Variants in R3HDML observed in about 807,000 individuals in gnomAD.
R3HDML encodes the protein R3H domain containing like.
R3HDML carries 21 observed loss-of-function variants against 24.2 expected under a neutral mutation model. The observed-to-expected ratio is 0.87, with a 90% CI of 0.62 to 1.25. R3HDML has a LOEUF of 1.25. R3HDML is among the 50% of genes most tolerant of loss of function. The pLI is 0.00. For synonymous variants in R3HDML, 133 were observed against 131.5 expected (o/e 1.01, Z -0.08); for missense variants, 301 against 340.3 (o/e 0.88, Z 0.91).
rs1188126782 is a variant in R3HDML at position 44,337,259 on chromosome 20, C to G, written c.102C>G (p.Ala34=). ...TGCCTAATGCTACCCCAGCCCCGGC[C>G]CAGCCCGAGAGCACGGCTATGCGGC... ...LIMPNATPAP[A]QPESTAMRLL... Residue 34 remains alanine, a synonymous_variant, in exon 1 of 5, where the codon GCC becomes GCG. Transcript: ENST00000217043. This position sits in a 1 kb window ranked among gnomAD's most constrained non-coding sequence, Gnocchi z 4.7. The G allele has an allele frequency of 6.2e-7, 1 of 1,614,152 alleles. No homozygotes were observed. The highest frequency in any genetic ancestry group is 8.5e-7 in the Non-Finnish European group (1 of 1,180,044).
chr20:44,348,485 CTTT>C (rs1473423465), intron 4 of R3HDML, among the ~76,000 whole-genome samples: 22 of 34,244 alleles, frequency 6.4e-4, no homozygotes, highest in African/African-American at 2.8e-3. Context: ...TCCCTTTCTC[CTTT>C]CCTTTCCTTT....
At chr20:44,346,912 C>T (rs1008473395) in intron 4 of R3HDML, among the ~76,000 whole-genome samples, 1 of 152,202 alleles carries the variant, frequency 6.6e-6, no homozygotes, top group African/African-American at 2.4e-5. Flanking sequence ...GGGGCTGAGG[C>T]GAGTGAATCA....
intron 1 of R3HDML, 124 bp from the exon 2 acceptor site, chr20:44,341,072 G>A: frequency 1.4e-6 from 1 of 735,038 alleles, no homozygotes; most frequent in Non-Finnish European, 2.3e-6. Flanking sequence ...TTTGTCACGT[G>A]GGTTTGTTGC....
intron 1 of R3HDML, among the ~76,000 whole-genome samples, chr20:44,340,103 C>T (rs1185654138): frequency 6.6e-6 from 1 of 151,824 alleles, no homozygotes; most frequent in Non-Finnish European, 1.5e-5. Flanking sequence ...TATAGGTGCC[C>T]GCCACCACAC....
chr20:44,343,638 A>G, intron 3 of R3HDML, 129 bp downstream of exon 3: 1 of 941,670 alleles, frequency 1.1e-6, no homozygotes, highest in Non-Finnish European at 1.5e-6. Flanking sequence ...CCAAAGAGGC[A>G]TATTCCTGGA....
chr20:44,342,999 C>G (rs1318227706), intron 2 of R3HDML, among the ~76,000 whole-genome samples: 1 of 152,154 alleles, frequency 6.6e-6, no homozygotes, highest in Non-Finnish European at 1.5e-5. Flanking sequence ...GCTTTTCAGA[C>G]TACAGAGGTT....
In R3HDML at chr20:44,343,421, A is replaced by G; in HGVS notation, c.425A>G (p.Lys142Arg). Residue 142 changes from lysine to arginine, a missense_variant, in exon 3 of 5, where the codon AAG (lysine) becomes AGG (arginine). Coordinates refer to ENST00000217043, the MANE Select transcript of R3HDML (RefSeq NM_178491.4). ...CTCATGAAGTCCTGGTCTGAGGAGA[A>G]GTGGCATTACTTGTTTCCGGCCCCA... ...VDLMKSWSEE[K>R]WHYLFPAPRD... 6.2e-7 allele frequency: 1 copy of G among 1,613,230 alleles called. No individual in the cohort carries two copies. Among genetic ancestry groups the G allele is most frequent in the Non-Finnish European group, 8.5e-7 (1 of 1,179,580 alleles).
intron 3 of R3HDML, 47 bp from the exon 4 acceptor site, chr20:44,345,216 C>T: frequency 6.8e-7 from 1 of 1,473,396 alleles, no homozygotes. Context: ...GAGCCTGGGT[C>T]CCACTGAGCC....
intron 1 of R3HDML, among the ~76,000 whole-genome samples, chr20:44,339,910 C>A (rs1469227304): frequency 6.6e-6 from 1 of 152,040 alleles, no homozygotes; most frequent in African/African-American, 2.4e-5. Flanking sequence ...TCCCAAGTAG[C>A]TGGGACCACA....
At chr20:44,350,149 A>C (rs2062804939) in intron 4 of R3HDML, among the ~76,000 whole-genome samples, 1 of 152,184 alleles carries the variant, frequency 6.6e-6, no homozygotes, top group African/African-American at 2.4e-5. Context: ...TGCTAGGTGC[A>C]TACATACATG....
At chr20:44,343,276 G>A (rs2062776819) in intron 2 of R3HDML, 101 bp from the exon 3 acceptor site, 9 of 1,423,968 alleles carry the variant, frequency 6.3e-6, no homozygotes, top group Non-Finnish European at 8.8e-6. Flanking sequence ...TGAGATGGGG[G>A]AAAGGAAGCA....
chr20:44,347,335 C>G (rs2062790530), intron 4 of R3HDML, among the ~76,000 whole-genome samples: 1 of 151,928 alleles, frequency 6.6e-6, no homozygotes, highest in Non-Finnish European at 1.5e-5. Flanking sequence ...CCTCCCGCCT[C>G]ACCCTCCTGA....
At chr20:44,341,725 A>C (rs930150601) in intron 2 of R3HDML, among the ~76,000 whole-genome samples, 1 of 152,076 alleles carries the variant, frequency 6.6e-6, no homozygotes, top group African/African-American at 2.4e-5. Context: ...TCTCTACCAA[A>C]AATACAAAAA....
rs2062811304 is a variant in R3HDML, at chr20:44,351,234, A to G, written c.*442A>G. ...TCTCTATTTAGAAACAAACAAACAA[A>G]CAAATAAAAAACCTGGCACCTCGGT... is the stretch of plus-strand genomic sequence containing the variant. On this transcript the variant is annotated 3_prime_UTR_variant, in exon 5 of 5. Coordinates refer to ENST00000217043, the MANE Select transcript of R3HDML (RefSeq NM_178491.4). The G allele has an allele frequency of 6.5e-6, 1 of 154,058 alleles. No homozygotes were observed. Among genetic ancestry groups the G allele is most frequent in the South Asian group, 2.0e-4 (1 of 4,924 alleles). The allele number at this position is 154,058 out of a possible 1,614,324, so 9.5% of individuals were successfully genotyped here.
At chr20:44,345,932 G>A (rs1419452463) in intron 4 of R3HDML, among the ~76,000 whole-genome samples, 2 of 151,972 alleles carry the variant, frequency 1.3e-5, no homozygotes, top group East Asian at 3.9e-4. Flanking sequence ...CAATTTTCCT[G>A]CCTCAGCCTC....
intron 3 of R3HDML, among the ~76,000 whole-genome samples, chr20:44,343,873 C>T (rs548703183): frequency 6.6e-6 from 1 of 152,202 alleles, no homozygotes; most frequent in African/African-American, 2.4e-5. Context: ...TGCAGTGGCT[C>T]ACGCTTGTAA....
intron 3 of R3HDML, 113 bp downstream of exon 3, chr20:44,343,622 T>G (rs895398784): frequency 2.7e-6 from 3 of 1,129,334 alleles, no homozygotes; most frequent in African/African-American, 1.6e-5. Flanking sequence ...TATGAGCTTC[T>G]TTTCACCAAA....
chr20:44,337,515 G>GTC lies in R3HDML; in HGVS notation c.261+97_261+98insTC, dbSNP rs1056438757. 1.4e-5 allele frequency: 20 copies of GTC among 1,379,826 alleles called. No homozygotes were observed. The East Asian group carries it at 2.6e-4, about 18-fold the overall frequency. The allele number at this position is 1,379,826 out of a possible 1,614,324, so 85.5% of individuals were successfully genotyped here. On this transcript the variant is annotated intron_variant, in intron 1 of 4. Transcript: ENST00000217043. The surrounding 1 kb of genome is among the most constrained non-coding windows in gnomAD (Gnocchi z 4.7). ...CTAGAATGACTGGCTTTGAAGAGCT[G>GTC]GACCACTTGCCTGCCTGGCCCCACT...
At chr20:44,348,554 G>A (rs1410269185) in intron 4 of R3HDML, among the ~76,000 whole-genome samples, 1 of 146,896 alleles carries the variant, frequency 6.8e-6, no homozygotes, top group African/African-American at 2.5e-5. Flanking sequence ...CCAGGCTGGA[G>A]TGCAGTGGCA....
Sources: allele counts gnomAD v4.1 joint callset (sites outside exome capture counted in the v4.1 genomes callset), GRCh38; gene constraint gnomAD v4.1.1; non-coding constraint Gnocchi (gnomAD v3.1); transcripts MANE v1.5; gene names NCBI Gene and HGNC (gene_info 2026-07-23, HGNC 2026-07-21).